Variants in NUBPL observed in about 807,000 individuals in gnomAD.
The protein encoded by NUBPL is NUBP iron-sulfur cluster assembly factor, mitochondrial.
NUBPL carries 31 observed loss-of-function variants against 45.7 expected under a neutral mutation model. The ratio of observed to expected loss-of-function variants is 0.68; its 90% CI spans 0.51 to 0.92. The LOEUF (loss-of-function observed/expected upper bound fraction) is 0.92, where lower values mean the gene tolerates loss of function less well. Ranked by LOEUF, NUBPL falls within the 40% of genes least tolerant of loss-of-function variation. The probability of loss-of-function intolerance (pLI) is 0.00; values close to 1 mark genes in which losing one functional copy is unlikely to be tolerated. For synonymous variants in NUBPL, 144 were observed against 140.9 expected (o/e 1.02, Z -0.15); for missense variants, 401 against 398.7 (o/e 1.01, Z -0.05).
intron 9 of NUBPL, 55 bp downstream of exon 9, chr14:31,846,646 T>A: frequency 6.2e-7 from 1 of 1,602,876 alleles, no homozygotes; most frequent in Non-Finnish European, 8.5e-7. Context: ...AAAGTGGGGA[T>A]GAGGCTTGAT....
intron 4 of NUBPL, among the ~76,000 whole-genome samples, chr14:31,613,114 A>G (rs991264723): frequency 1.3e-5 from 2 of 152,234 alleles, no homozygotes; most frequent in African/African-American, 4.8e-5. Flanking sequence ...GTCAGCCATA[A>G]AAAGGAACGA....
At chr14:31,619,352 A>G (rs2034997828) in intron 4 of NUBPL, among the ~76,000 whole-genome samples, 1 of 152,196 alleles carries the variant, frequency 6.6e-6, no homozygotes, top group Non-Finnish European at 1.5e-5. Flanking sequence ...TATTTTGCCC[A>G]TTAGTTGATG....
At chr14:31,698,063 G>T (rs1478354900) in intron 6 of NUBPL, among the ~76,000 whole-genome samples, 1 of 152,006 alleles carries the variant, frequency 6.6e-6, no homozygotes, top group South Asian at 2.1e-4. Context: ...TTACTATTTA[G>T]GTATATACTG....
intron 8 of NUBPL, among the ~76,000 whole-genome samples, chr14:31,829,588 C>T (rs1595687369): frequency 6.6e-6 from 1 of 152,086 alleles, no homozygotes; most frequent in African/African-American, 2.4e-5. Flanking sequence ...TTTATAAATA[C>T]AAAAAAAGAT....
At chr14:31,690,519 G>T (rs566831091) in intron 6 of NUBPL, among the ~76,000 whole-genome samples, 2 of 152,112 alleles carry the variant, frequency 1.3e-5, no homozygotes, top group Non-Finnish European at 2.9e-5. Context: ...TAGATCAGGG[G>T]GTTGTGAGGA....
rs140549356 is a variant in NUBPL, at chr14:31,603,137, C to T, written c.382+3758C>T. Among the ~76,000 whole-genome samples the T allele has an allele frequency of 6.4e-3, 964 of 150,950 alleles. 9 individuals are homozygous for T. Among genetic ancestry groups the T allele is most frequent in the African/African-American group, 0.022 (902 of 41,176 alleles). ...GACCAGCCTGGGCAACATAGTGAGA[C>T]AAAAATAAAAAAATTAGCTGGGCAT... On this transcript the variant is annotated intron_variant, in intron 4 of 10. Coordinates refer to ENST00000281081, the MANE Select transcript of NUBPL (RefSeq NM_025152.3).
At chr14:31,687,447 C>T (rs2036979656) in intron 6 of NUBPL, among the ~76,000 whole-genome samples, 1 of 152,190 alleles carries the variant, frequency 6.6e-6, no homozygotes, top group African/African-American at 2.4e-5. Flanking sequence ...AACTTACACA[C>T]TGTGCATGGT....
At chr14:31,770,459 G>A in intron 6 of NUBPL, among the ~76,000 whole-genome samples, 1 of 152,142 alleles carries the variant, frequency 6.6e-6, no homozygotes, top group Non-Finnish European at 1.5e-5. Flanking sequence ...AAGTCATCTG[G>A]TTGTCAGAAA....
intron 4 of NUBPL, among the ~76,000 whole-genome samples, chr14:31,669,948 G>T (rs947101723): frequency 6.6e-6 from 1 of 151,916 alleles, no homozygotes; most frequent in Non-Finnish European, 1.5e-5. Context: ...ACATTTGTGT[G>T]CATGTGTCTT....
At chr14:31,748,577 A>C (rs938347387) in intron 6 of NUBPL, among the ~76,000 whole-genome samples, 1 of 149,394 alleles carries the variant, frequency 6.7e-6, no homozygotes, top group African/African-American at 2.6e-5. Context: ...TTAAAAGTCA[A>C]TTTAATCTTA....
chr14:31,791,341 A>C (rs7150488), intron 7 of NUBPL, among the ~76,000 whole-genome samples: 2 of 152,090 alleles, frequency 1.3e-5, no homozygotes, highest in Admixed American at 1.3e-4. Flanking sequence ...ATTTATTAAT[A>C]AACCATTATA....
intron 4 of NUBPL, among the ~76,000 whole-genome samples, chr14:31,626,394 C>A (rs1002363759): frequency 7.9e-5 from 12 of 152,200 alleles, no homozygotes; most frequent in African/African-American, 2.9e-4. Context: ...CCTGCCTTGT[C>A]CTCCCAAAGT....
intron 3 of NUBPL, among the ~76,000 whole-genome samples, chr14:31,593,288 C>T (rs1161183493): frequency 1.3e-5 from 2 of 151,720 alleles, no homozygotes; most frequent in Middle Eastern, 3.4e-3. Context: ...CTGAGGCGGG[C>T]GGATCACGAG....
intron 7 of NUBPL, among the ~76,000 whole-genome samples, chr14:31,798,684 C>G (rs1485274683): frequency 7.2e-6 from 1 of 138,714 alleles, no homozygotes; most frequent in Admixed American, 7.8e-5. Context: ...CCTGGCTACT[C>G]GGGAGGCTGA....
intron 10 of NUBPL, among the ~76,000 whole-genome samples, chr14:31,850,858 A>G (rs1205962678): frequency 6.6e-6 from 1 of 151,988 alleles, no homozygotes; most frequent in East Asian, 1.9e-4. Flanking sequence ...CCTGGACTCA[A>G]GTTATCCTCC....
intron 6 of NUBPL, among the ~76,000 whole-genome samples, chr14:31,764,405 C>T (rs2038873223): frequency 6.6e-6 from 1 of 152,130 alleles, no homozygotes; most frequent in African/African-American, 2.4e-5. Context: ...GGATCTTGTT[C>T]ATTGCTGTGT....
chr14:31,801,859 T>C (rs2039596859), intron 7 of NUBPL, among the ~76,000 whole-genome samples: 1 of 152,200 alleles, frequency 6.6e-6, no homozygotes, highest in Admixed American at 6.5e-5. Context: ...ACAGTCCTAG[T>C]GTAAATCCTG....
At position 31,562,208 on chromosome 14, in the gene NUBPL, T is replaced by G. The variant is rs2033305725; in HGVS notation, c.249T>G (p.Thr83=). Residue 83 remains threonine (T), a synonymous_variant, in exon 2 of 11, where the codon ACT becomes ACG. Transcript: ENST00000281081. ...ASGKGGVGKS[T]TAVNLALALA... The stretch of plus-strand genomic sequence containing the variant: ...GAAAGGGTGGAGTCGGAAAATCTAC[T>G]ACAGCAGGTATTATAGGATATTAAT... 1 of 1,613,530 alleles carries G rather than the reference T, an allele frequency of 6.2e-7. No individual in the cohort carries two copies. The highest frequency in any genetic ancestry group is 1.3e-5 in the African/African-American group (1 of 74,926).
At position 31,760,035 on chromosome 14, in the gene NUBPL, A is replaced by G. The variant is rs75020430; in HGVS notation, c.514-27745A>G. 9.3e-4 allele frequency among the ~76,000 whole-genome samples: 141 copies of G among 151,666 alleles called. 3 individuals carry two copies. The East Asian group carries it at 0.027, about 29-fold the overall frequency. ...TGCAAGTTAAGAAGCATCTCTATAC[A>G]GTATATTGTTATTAACTGTAGTCAC... On this transcript the variant is annotated intron_variant, in intron 6 of 10. Coordinates refer to ENST00000281081, the MANE Select transcript of NUBPL (RefSeq NM_025152.3).
Sources: gnomAD v4.1 joint callset for allele counts (sites outside exome capture counted in the v4.1 genomes callset) on GRCh38, gnomAD v4.1.1 for gene constraint, MANE v1.5 for transcripts, NCBI Gene and HGNC (gene_info 2026-07-23, HGNC 2026-07-21) for gene names.